Variants in COBLL1 observed in about 807,000 individuals in gnomAD.
COBLL1 encodes the protein cordon-bleu WH2 repeat protein like 1, also known as cordon-bleu protein-like 1.
A neutral mutation model predicts 94.8 loss-of-function variants in COBLL1; 50 were observed. The observed-to-expected ratio is 0.53, with a 90% confidence interval of 0.42 to 0.67. The LOEUF (loss-of-function observed/expected upper bound fraction) is 0.67. COBLL1 is among the 30% of genes least tolerant of loss of function. The pLI, the probability that COBLL1 is intolerant of heterozygous loss-of-function variation, is 0.00. For missense variants in COBLL1, 1,362 were observed against 1,348.7 expected (o/e 1.01, Z -0.15); for synonymous variants, 448 against 473.8 (o/e 0.95, Z 0.71).
At chr2:164,686,966 G>A (rs888855992) in intron 13 of COBLL1, among the ~76,000 whole-genome samples, 1 of 152,168 alleles carries the variant, frequency 6.6e-6, no homozygotes, top group Non-Finnish European at 1.5e-5. Context: ...ATTTAGTTTG[G>A]ACTTGGCTTC....
intron 7 of COBLL1, among the ~76,000 whole-genome samples, chr2:164,706,495 C>A (rs1684611271): frequency 6.6e-6 from 1 of 152,182 alleles, no homozygotes; most frequent in Admixed American, 6.5e-5. Context: ...ACGTCTCTAT[C>A]TTGGACCTCT....
rs1310521682 is a variant in COBLL1 at position 164,841,134 on chromosome 2, C to T, written c.41+22G>A. On this transcript the variant is annotated intron_variant, in intron 2 of 13. Transcript: ENST00000652658. This position sits in a 1 kb window ranked among gnomAD's most constrained non-coding sequence, Gnocchi z 5.5. ...CGGCCTCGCCCTCCCCGGTGAGAGG[C>T]GGCGCGGCGCTCTGGGCTTACCTGG... is the stretch of plus-strand genomic sequence containing the variant. 3 of 1,229,312 alleles carry T rather than the reference C, an allele frequency of 2.4e-6. No homozygotes were observed. The East Asian group carries it at 9.5e-5, about 39-fold the overall frequency. The allele number at this position is 1,229,312 out of a possible 1,614,324, so 76.2% of individuals were successfully genotyped here. A position where few individuals can be genotyped will look rare whatever the true frequency, so the allele number is the denominator to read the frequency against.
At chr2:164,799,457 A>G (rs936879830) in intron 2 of COBLL1, among the ~76,000 whole-genome samples, 3 of 152,220 alleles carry the variant, frequency 2.0e-5, no homozygotes. Flanking sequence ...AAGGAAATCA[A>G]AGATGACCTA....
chr2:164,828,945 T>C (rs1302563178), intron 2 of COBLL1, among the ~76,000 whole-genome samples: 1 of 152,202 alleles, frequency 6.6e-6, no homozygotes, highest in African/African-American at 2.4e-5. Flanking sequence ...AAAGAACTCA[T>C]AACACTGATT....
chr2:164,673,041 A>T (rs1691271407), intron 1 of COBLL1, among the ~76,000 whole-genome samples: 1 of 152,220 alleles, frequency 6.6e-6, no homozygotes, highest in South Asian at 2.1e-4. Flanking sequence ...CTTCAATTAA[A>T]TGTTACTGAA....
At chr2:164,833,408 T>G (rs1409826835) in intron 2 of COBLL1, among the ~76,000 whole-genome samples, 6 of 151,800 alleles carry the variant, frequency 4.0e-5, no homozygotes, top group Admixed American at 3.9e-4. Flanking sequence ...TGTTCAACTT[T>G]CTATGAGTTG....
intron 2 of COBLL1, among the ~76,000 whole-genome samples, chr2:164,771,401 GA>G (rs563069424): frequency 6.7e-6 from 1 of 149,462 alleles, no homozygotes; most frequent in Non-Finnish European, 1.5e-5. Flanking sequence ...TTTCTCATTA[GA>G]AAAAAAAAAT....
rs186170460 is a variant in COBLL1, at chr2:164,682,818, T to A, written c.*3128A>T. On this transcript the variant is annotated 3_prime_UTR_variant, in exon 14 of 14. Coordinates refer to ENST00000652658, the MANE Select transcript of COBLL1 (RefSeq NM_001365672.2). ...TGACTCATAAGTGGCAGACTTGTGA[T>A]CTGAACCCCAATCTCTTCACTCCAG... is the stretch of plus-strand genomic sequence containing the variant. 2.0e-5 allele frequency: 3 copies of A among 152,198 alleles called. No homozygotes were observed. Among genetic ancestry groups the A allele is most frequent in the Non-Finnish European group, 4.4e-5 (3 of 68,022 alleles). 9.4% of individuals were successfully genotyped at this position (152,198 alleles called of 1,614,324 possible).
intron 2 of COBLL1, among the ~76,000 whole-genome samples, chr2:164,744,470 T>TG (rs904220066): frequency 2.3e-4 from 35 of 152,238 alleles, no homozygotes; most frequent in African/African-American, 7.9e-4. Flanking sequence ...TTAGATCTTT[T>TG]GGGGGGTACC....
intron 2 of COBLL1, among the ~76,000 whole-genome samples, chr2:164,781,747 C>G (rs1688733789): frequency 6.6e-6 from 1 of 152,144 alleles, no homozygotes; most frequent in African/African-American, 2.4e-5. Context: ...TAGATCCTGA[C>G]TTTATTTCAA....
At chr2:164,838,624 ACACT>A (rs1287096059) in intron 2 of COBLL1, among the ~76,000 whole-genome samples, 2 of 152,238 alleles carry the variant, frequency 1.3e-5, no homozygotes, top group Non-Finnish European at 2.9e-5. Flanking sequence ...GGACTTCAAC[ACACT>A]CAGTGTTTCT....
intron 2 of COBLL1, among the ~76,000 whole-genome samples, chr2:164,748,911 G>A (rs1686998676): frequency 6.6e-6 from 1 of 151,882 alleles, no homozygotes; most frequent in Admixed American, 6.6e-5. Context: ...TGAGAATTAA[G>A]GCAAAATTTG....
At chr2:164,727,398 T>C (rs1685769154) in intron 5 of COBLL1, among the ~76,000 whole-genome samples, 1 of 152,070 alleles carries the variant, frequency 6.6e-6, no homozygotes, top group Admixed American at 6.5e-5. Flanking sequence ...CAAACCAGCA[T>C]TATCTAAGAT....
At chr2:164,707,802 G>A (rs971607168) in intron 7 of COBLL1, among the ~76,000 whole-genome samples, 3 of 152,148 alleles carry the variant, frequency 2.0e-5, no homozygotes, top group Non-Finnish European at 2.9e-5. Flanking sequence ...AGTCTTACAA[G>A]ACAACGTAGG....
At chr2:164,801,161 C>T (rs1683759993) in intron 2 of COBLL1, among the ~76,000 whole-genome samples, 2 of 151,840 alleles carry the variant, frequency 1.3e-5, no homozygotes, top group African/African-American at 4.8e-5. Flanking sequence ...TAGCTAAGGC[C>T]GGGCGCGGTG....
At chr2:164,772,038 C>G (rs981552950) in intron 2 of COBLL1, 4 of 151,924 alleles carry the variant, frequency 2.6e-5, no homozygotes, top group African/African-American at 9.7e-5. Flanking sequence ...GTACCTTCTC[C>G]TCTTCCTTAT....
rs146344458 is a variant in COBLL1 at position 164,680,773 on chromosome 2, T to G, written c.*5173A>C. On this transcript the variant is annotated 3_prime_UTR_variant, in exon 14 of 14. Transcript: ENST00000652658. ...TTATACTAAAAAAAAATTTGTTGTT[T>G]ATCCGAAGTTCAAATTTAACTGGGC... 1 of 152,150 alleles carries G rather than the reference T, an allele frequency of 6.6e-6. No homozygotes were observed. The highest frequency in any genetic ancestry group is 2.4e-5 in the African/African-American group (1 of 41,444). The allele number at this position is 152,150 out of a possible 1,614,324, so 9.4% of individuals were successfully genotyped here.
intron 3 of COBLL1, among the ~76,000 whole-genome samples, chr2:164,736,839 G>T (rs556567016): frequency 5.5e-4 from 83 of 152,228 alleles, no homozygotes; most frequent in African/African-American, 1.9e-3. Flanking sequence ...ATATAGATGG[G>T]TGTACATATA....
intron 2 of COBLL1, chr2:164,665,699 G>T (rs1180622406): frequency 6.6e-6 from 1 of 152,130 alleles, no homozygotes; most frequent in Non-Finnish European, 1.5e-5. Flanking sequence ...TGTTGTTTGA[G>T]AAATGCAAAA....
Sources: gnomAD v4.1 joint callset for allele counts (sites outside exome capture counted in the v4.1 genomes callset) on GRCh38, gnomAD v4.1.1 for gene constraint, Gnocchi (gnomAD v3.1) non-coding constraint, MANE v1.5 for transcripts, NCBI Gene and HGNC (gene_info 2026-07-23, HGNC 2026-07-21) for gene names.